CNTNAP3: variants seen among roughly 807,000 people sequenced by gnomAD.
The protein encoded by CNTNAP3 is contactin associated protein family member 3, also known as contactin-associated protein-like 3.
CNTNAP3 carries 36 observed loss-of-function variants against 92.1 expected under a neutral mutation model. The ratio of observed to expected loss-of-function variants is 0.39; its 90% confidence interval spans 0.30 to 0.52. The LOEUF (loss-of-function observed/expected upper bound fraction) is 0.52. Among genes scored for constraint, CNTNAP3 ranks in the 20% least tolerant of loss-of-function variants. The pLI is 0.76. For missense variants in CNTNAP3, 534 were observed against 1,069.6 expected (o/e 0.50, Z 6.98); for synonymous variants, 232 against 422.3 (o/e 0.55, Z 5.53).
At position 39,234,476 on chromosome 9, in the gene CNTNAP3, T is replaced by A. The variant is rs567004364; in HGVS notation, c.390+4517A>T. ...GTATATATATATATACACACACACA[T>A]GATTATCCCAGAAAATTATCTTTTA... On this transcript the variant is annotated intron_variant, in intron 3 of 23. Transcript: ENST00000297668. 1.5e-4 allele frequency among the ~76,000 whole-genome samples: 4 copies of A among 26,356 alleles called. 2 individuals are homozygous for A. Among genetic ancestry groups the A allele is most frequent in the Non-Finnish European group, 4.3e-4 (4 of 9,208 alleles). The allele number at this position is 26,356 out of a possible 152,430, so 17.3% of individuals were successfully genotyped here.
chr9:39,122,604 T>G (rs1232492426), intron 13 of CNTNAP3, among the ~76,000 whole-genome samples: 1 of 152,150 alleles, frequency 6.6e-6, no homozygotes, highest in African/African-American at 2.4e-5. Flanking sequence ...AAAGAGCAAA[T>G]TCAGCCTAAC....
At chr9:39,090,343 G>A (rs1334359629) in intron 18 of CNTNAP3, among the ~76,000 whole-genome samples, 1 of 152,094 alleles carries the variant, frequency 6.6e-6, no homozygotes, top group East Asian at 1.9e-4. Context: ...CTTCTCTTTT[G>A]TTCTCCCATG....
intron 18 of CNTNAP3, among the ~76,000 whole-genome samples, chr9:39,090,208 G>A: frequency 6.6e-6 from 1 of 152,116 alleles, no homozygotes; most frequent in South Asian, 2.1e-4. Flanking sequence ...CAAAATGCTG[G>A]GATTACAGGT....
At chr9:39,126,312 C>A (rs556701952) in intron 13 of CNTNAP3, among the ~76,000 whole-genome samples, 196 of 152,236 alleles carry the variant, frequency 1.3e-3, no homozygotes, top group African/African-American at 4.5e-3. Context: ...TAATTAATAA[C>A]CTTCCCAAAC....
intron 14 of CNTNAP3, among the ~76,000 whole-genome samples, chr9:39,116,443 G>A (rs889890506): frequency 6.6e-6 from 1 of 152,032 alleles, no homozygotes; most frequent in Non-Finnish European, 1.5e-5. Context: ...TCTCATTAGA[G>A]CCCAAAGCTA....
chr9:39,102,809 G>A (rs1245679204), intron 16 of CNTNAP3, 94 bp from the exon 17 acceptor site: 1 of 1,208,082 alleles, frequency 8.3e-7, no homozygotes, highest in East Asian at 2.5e-5. Flanking sequence ...GCTCAGGATG[G>A]AAGGAGATAA....
At chr9:39,100,759 C>T (rs1826438178) in intron 17 of CNTNAP3, among the ~76,000 whole-genome samples, 1 of 151,676 alleles carries the variant, frequency 6.6e-6, no homozygotes, top group African/African-American at 2.4e-5. Context: ...TGCATGCATG[C>T]ACATTTTGTC....
intron 13 of CNTNAP3, among the ~76,000 whole-genome samples, chr9:39,127,008 G>A (rs906414575): frequency 3.3e-5 from 5 of 151,518 alleles, no homozygotes; most frequent in Non-Finnish European, 4.4e-5. Flanking sequence ...ATATCCCGGC[G>A]AGCCAAACAA....
chr9:39,097,922 G>A (rs1007126003), intron 18 of CNTNAP3, among the ~76,000 whole-genome samples: 1 of 150,938 alleles, frequency 6.6e-6, no homozygotes, highest in Non-Finnish European at 1.5e-5. Context: ...TCGTATGAGA[G>A]AGGGTTTACA....
chr9:39,114,625 T>C lies in CNTNAP3; in HGVS notation c.2237+3478A>G, dbSNP rs1220393540. ...TATTTTATCTTTTGTAAATAAGCTATAGCTTCTTTAAAAATCCAATATGAT... is the reference window on the plus strand; with the variant it reads ...TATTTTATCTTTTGTAAATAAGCTACAGCTTCTTTAAAAATCCAATATGAT... On this transcript the variant is annotated intron_variant, in intron 14 of 23. Coordinates refer to ENST00000297668, the MANE Select transcript of CNTNAP3 (RefSeq NM_033655.5). Among the ~76,000 whole-genome samples the C allele has an allele frequency of 2.0e-5, 3 of 152,350 alleles. No individual in the cohort carries two copies. In the East Asian group the frequency reaches 5.8e-4, roughly 29 times the overall value.
At position 39,109,251 on chromosome 9, in the gene CNTNAP3, G is replaced by A; in HGVS notation, c.2274C>T (p.His758=). The change falls in exon 15 of 24, where the codon CAC becomes CAT. Residue 758 remains histidine (H), a synonymous_variant. Coordinates refer to ENST00000297668, the MANE Select transcript of CNTNAP3 (RefSeq NM_033655.5). ...TCATCACAATCTGAGTGACTGGCAGGTGCTCCTTTTGGGAAAGGACTATTG... is the reference window on the plus strand; with the variant it reads ...TCATCACAATCTGAGTGACTGGCAGATGCTCCTTTTGGGAAAGGACTATTG... ...SDTIVLSQKE[H]LPVTQIVMTD... 6.2e-7 allele frequency: 1 copy of A among 1,612,458 alleles called. No individual in the cohort carries two copies. The highest frequency in any genetic ancestry group is 8.5e-7 in the Non-Finnish European group (1 of 1,179,802).
At chr9:39,183,863 A>G (rs558462735) in intron 4 of CNTNAP3, among the ~76,000 whole-genome samples, 3 of 136,774 alleles carry the variant, frequency 2.2e-5, no homozygotes, top group African/African-American at 8.4e-5. Flanking sequence ...TTGCCAAAAA[A>G]TCAAGGTGTA....
intron 10 of CNTNAP3, among the ~76,000 whole-genome samples, chr9:39,147,097 C>T (rs890356600): frequency 6.6e-6 from 1 of 152,154 alleles, no homozygotes; most frequent in African/African-American, 2.4e-5. Flanking sequence ...GGTTCTCTTG[C>T]ATGCTGCCAT....
At chr9:39,141,645 T>C (rs1821577106) in intron 11 of CNTNAP3, among the ~76,000 whole-genome samples, 1 of 152,178 alleles carries the variant, frequency 6.6e-6, no homozygotes, top group Non-Finnish European at 1.5e-5. Flanking sequence ...TGCTAATCTT[T>C]ATTTTTTTGC....
chr9:39,110,088 T>C (rs1489204229), intron 14 of CNTNAP3, among the ~76,000 whole-genome samples: 1 of 152,142 alleles, frequency 6.6e-6, no homozygotes, highest in Non-Finnish European at 1.5e-5. Flanking sequence ...GAAACACTGC[T>C]CCCAGTAGTT....
intron 10 of CNTNAP3, among the ~76,000 whole-genome samples, chr9:39,148,635 C>T (rs1821762201): frequency 6.6e-6 from 1 of 151,794 alleles, no homozygotes; most frequent in Admixed American, 6.6e-5. Flanking sequence ...ACGCCATTCT[C>T]CTGCCTCAGC....
Position 39,068,046 on chromosome 9 carries a change from T to G in CNTNAP3, c.*5844A>C, listed in dbSNP as rs1439389886. 6.6e-6 allele frequency among the ~76,000 whole-genome samples: 1 copy of G among 152,312 alleles called. No homozygotes were observed. The highest frequency in any genetic ancestry group is 2.1e-4 in the South Asian group (1 of 4,838). On this transcript the variant is annotated 3_prime_UTR_variant, in exon 24 of 24. Coordinates refer to ENST00000297668, the MANE Select transcript of CNTNAP3 (RefSeq NM_033655.5). ...AGAAGTGAAGAGAAGAAAAATATTC[T>G]TTTTGTGTAAAGCCCAGATATACGT... is the stretch of plus-strand genomic sequence containing the variant.
At chr9:39,089,127 A>C (rs542550899) in intron 18 of CNTNAP3, among the ~76,000 whole-genome samples, 33 of 152,252 alleles carry the variant, frequency 2.2e-4, no homozygotes, top group Non-Finnish European at 4.0e-4. Flanking sequence ...GATCAATTTT[A>C]GAGTATTTTC....
chr9:39,140,347 G>A (rs1372159282), intron 12 of CNTNAP3, among the ~76,000 whole-genome samples, 172 bp downstream of exon 12: 7 of 151,954 alleles, frequency 4.6e-5, no homozygotes, highest in South Asian at 2.1e-4. Context: ...TCCAACCCAG[G>A]CAAACAAGAA....
Sources: gnomAD v4.1 joint callset for allele counts (sites outside exome capture counted in the v4.1 genomes callset) on GRCh38, gnomAD v4.1.1 for gene constraint, MANE v1.5 for transcripts, NCBI Gene and HGNC (gene_info 2026-07-23, HGNC 2026-07-21) for gene names.